Variants in ST18 observed in about 807,000 individuals in gnomAD.
The protein encoded by ST18 is suppression of tumorigenicity 18 protein.
Under a neutral mutation model 110.0 loss-of-function variants are expected in ST18, and 50 were observed. The observed-to-expected ratio is 0.45, with a 90% CI of 0.36 to 0.58. ST18 has a LOEUF of 0.58. ST18 is among the 20% of genes least tolerant of loss of function. The pLI is 0.00. For missense variants in ST18, 1,306 were observed against 1,280.1 expected (o/e 1.02, Z -0.31); for synonymous variants, 461 against 452.4 (o/e 1.02, Z -0.24).
At chr8:52,165,439 G>A (rs192414727) in intron 11 of ST18, among the ~76,000 whole-genome samples, 22 of 152,292 alleles carry the variant, frequency 1.4e-4, no homozygotes, top group East Asian at 1.4e-3. Context: ...TAAACTCCAC[G>A]TTGTGTTTAC....
intron 2 of ST18, among the ~76,000 whole-genome samples, chr8:52,266,763 C>T (rs1326103098): frequency 3.9e-5 from 6 of 152,112 alleles, no homozygotes; most frequent in African/African-American, 1.4e-4. Context: ...AGGCTGGTTT[C>T]AAGCTCCTGA....
intron 13 of ST18, among the ~76,000 whole-genome samples, 190 bp downstream of exon 13, chr8:52,163,796 T>C (rs925033536): frequency 6.6e-6 from 1 of 152,272 alleles, no homozygotes; most frequent in Middle Eastern, 3.4e-3. Flanking sequence ...GAGAGTTTAG[T>C]AGTTCATTTC....
intron 14 of ST18, among the ~76,000 whole-genome samples, chr8:52,159,333 T>A (rs2060821842): frequency 6.6e-6 from 1 of 152,184 alleles, no homozygotes; most frequent in Admixed American, 6.5e-5. Flanking sequence ...CCTATTCTCT[T>A]AATATTTTTG....
At chr8:52,197,614 C>T (rs1214408650) in intron 8 of ST18, among the ~76,000 whole-genome samples, 2 of 152,028 alleles carry the variant, frequency 1.3e-5, no homozygotes, top group African/African-American at 4.8e-5. Flanking sequence ...CTTCTGTTCT[C>T]TAGCATGAAC....
chr8:52,133,735 A>G (rs2050787234), intron 19 of ST18, among the ~76,000 whole-genome samples: 1 of 148,174 alleles, frequency 6.7e-6, no homozygotes, highest in Non-Finnish European at 1.5e-5. Context: ...TATTATTATT[A>G]TTATTGTTAT....
chr8:52,357,091 G>C, intron 2 of ST18, among the ~76,000 whole-genome samples: 1 of 151,872 alleles, frequency 6.6e-6, no homozygotes, highest in East Asian at 1.9e-4. Flanking sequence ...AAATATTCTG[G>C]GTACATAGTA....
At chr8:52,380,794 TG>T (rs1175827509) in intron 2 of ST18, among the ~76,000 whole-genome samples, 1 of 152,270 alleles carries the variant, frequency 6.6e-6, no homozygotes, top group African/African-American at 2.4e-5. Context: ...GTTGTGGTTT[TG>T]GGGGGTTGAC....
intron 2 of ST18, among the ~76,000 whole-genome samples, chr8:52,284,300 G>A (rs935039352): frequency 1.3e-5 from 2 of 152,156 alleles, no homozygotes; most frequent in African/African-American, 4.8e-5. Flanking sequence ...GGAAGCCAGC[G>A]GCAGACGCTT....
At chr8:52,157,851 G>A (rs757076351) in intron 15 of ST18, among the ~76,000 whole-genome samples, 7 of 152,256 alleles carry the variant, frequency 4.6e-5, no homozygotes, top group Admixed American at 1.3e-4. Flanking sequence ...GACCATGCCG[G>A]GGACCGGCAC....
intron 2 of ST18, among the ~76,000 whole-genome samples, chr8:52,268,458 A>T (rs926654501): frequency 2.7e-4 from 40 of 149,276 alleles, no homozygotes; most frequent in African/African-American, 9.5e-4. Context: ...TCTATCGTCT[A>T]TCTATCTATC....
intron 2 of ST18, among the ~76,000 whole-genome samples, chr8:52,370,232 T>C (rs1829764007): frequency 6.6e-6 from 1 of 152,230 alleles, no homozygotes; most frequent in South Asian, 2.1e-4. Flanking sequence ...AGGGACTTCC[T>C]GGGACGACCA....
At chr8:52,344,552 C>T (rs907164643) in intron 2 of ST18, among the ~76,000 whole-genome samples, 1 of 152,064 alleles carries the variant, frequency 6.6e-6, no homozygotes, top group Non-Finnish European at 1.5e-5. Context: ...GGGGGCCCAC[C>T]ACCTCGCTCC....
At chr8:52,248,271 A>G (rs1564308423) in intron 2 of ST18, among the ~76,000 whole-genome samples, 1 of 152,172 alleles carries the variant, frequency 6.6e-6, no homozygotes, top group Non-Finnish European at 1.5e-5. Context: ...TAATTCATGA[A>G]CTGATGATTA....
intron 23 of ST18, among the ~76,000 whole-genome samples, chr8:52,120,664 T>C (rs1399578339): frequency 6.6e-6 from 1 of 152,186 alleles, no homozygotes; most frequent in Non-Finnish European, 1.5e-5. Flanking sequence ...TTAGGTTTAT[T>C]CCAAGTGCAA....
At chr8:52,124,855 G>A (rs1227410049) in intron 23 of ST18, among the ~76,000 whole-genome samples, 3 of 124,070 alleles carry the variant, frequency 2.4e-5, no homozygotes, top group African/African-American at 4.8e-5. Context: ...GAAGGAAACA[G>A]TAGGAAGCTT....
chr8:52,265,622 A>G (rs2094842761), intron 2 of ST18, among the ~76,000 whole-genome samples: 1 of 152,230 alleles, frequency 6.6e-6, no homozygotes, highest in Non-Finnish European at 1.5e-5. Context: ...TGGTGGTGAG[A>G]TAAGAAATAC....
rs1470852932 is a variant in ST18, at chr8:52,149,927, T to A, written c.1857A>T (p.Lys619Asn). 6.2e-7 allele frequency: 1 copy of A among 1,614,064 alleles called. No individual in the cohort carries two copies. The highest frequency in any genetic ancestry group is 8.5e-7 in the Non-Finnish European group (1 of 1,180,020). Residue 619 changes from lysine to asparagine, a missense_variant, in exon 16 of 26, where the codon AAA (lysine) becomes AAT (asparagine). By Grantham distance (94) the Lys-to-Asn change is moderately conservative (BLOSUM62 0). Coordinates refer to ENST00000689386, the MANE Select transcript of ST18 (RefSeq NM_001352837.2). ...DENGTLDLSM[K>N]KNRILDKSAP... ...CAGACTTGTCCAGGATTCGATTTTT[T>A]TTCATGCTTAAGTCCAATGTGCCAT...
At position 52,409,688 on chromosome 8, in the gene ST18, T is replaced by C. The variant is rs775261160; in HGVS notation, c.-730A>G. The C allele has an allele frequency of 6.6e-6, 1 of 152,256 alleles. No homozygotes were observed. The highest frequency in any genetic ancestry group is 1.5e-5 in the Non-Finnish European group (1 of 68,056). The allele number at this position is 152,256 out of a possible 1,614,324, so 9.4% of individuals were successfully genotyped here. A position where few individuals can be genotyped will look rare whatever the true frequency, so the allele number is the denominator to read the frequency against. On this transcript the variant is annotated 5_prime_UTR_variant, in exon 1 of 26. It adds an upstream start codon to the 5' untranslated region. Transcript: ENST00000689386. ...ATTATTTTTCTCTCCTTACCTCTAG[T>C]ATTCCCCTGAGGTCACATTCAGTTA...
intron 2 of ST18, among the ~76,000 whole-genome samples, chr8:52,336,007 C>T (rs1260213473): frequency 6.6e-6 from 1 of 152,100 alleles, no homozygotes; most frequent in African/African-American, 2.4e-5. Context: ...TCCCTGCAGC[C>T]CATCTTGTCT....
Sources: gnomAD v4.1 joint callset for allele counts (sites outside exome capture counted in the v4.1 genomes callset) on GRCh38, gnomAD v4.1.1 for gene constraint, MANE v1.5 for transcripts, NCBI Gene and HGNC (gene_info 2026-07-23, HGNC 2026-07-21) for gene names.